Variants in IKBKE observed in about 807,000 individuals in gnomAD.
The protein encoded by IKBKE is inhibitor of nuclear factor kappa-B kinase subunit epsilon.
IKBKE carries 45 observed loss-of-function variants against 92.1 expected under a neutral mutation model. The observed-to-expected ratio is 0.49, with a 90% CI of 0.38 to 0.63. The LOEUF is 0.63. Among genes scored for constraint, IKBKE ranks in the 20% least tolerant of loss-of-function variants. IKBKE has a pLI of 0.00. For missense variants in IKBKE, 700 were observed against 932.8 expected (o/e 0.75, Z 3.25); for synonymous variants, 374 against 380.3 (o/e 0.98, Z 0.19).
rs782039952 is a variant in IKBKE, at chr1:206,490,850, G to A, written c.1725G>A (p.Lys575=). The change falls in exon 17 of 22, where the codon AAG becomes AAA. Residue 575 remains lysine (K), a synonymous_variant. Transcript: ENST00000581977. This position sits in a 1 kb window ranked among gnomAD's most constrained non-coding sequence, Gnocchi z 5.2. ...GCTACAACGAGGAGCAGATTCACAA[G>A]CTGGATAAGTGAGTGGCCTGTCCTC... The part of the protein sequence containing the change: ...GLGYNEEQIH[K]LDKVNFSHLA... 2.2e-5 allele frequency: 35 copies of A among 1,614,064 alleles called. No homozygotes were observed. The highest frequency in any genetic ancestry group is 2.9e-5 in the Non-Finnish European group (34 of 1,180,024).
Position 206,496,511 on chromosome 1 carries a change from C to A in IKBKE, c.*366C>A, listed in dbSNP as rs1417580079. On this transcript the variant is annotated 3_prime_UTR_variant, in exon 22 of 22. Coordinates refer to ENST00000581977, the MANE Select transcript of IKBKE (RefSeq NM_014002.4). ...TCCCTCTGGTTTATAGGACTTCACTCCCTAGCCAACAGGAGAGGAGGCCTC... is the reference window on the plus strand; with the variant it reads ...TCCCTCTGGTTTATAGGACTTCACTACCTAGCCAACAGGAGAGGAGGCCTC... 1 of 299,318 alleles carries A rather than the reference C, an allele frequency of 3.3e-6. No homozygotes were observed. Among genetic ancestry groups the A allele is most frequent in the Non-Finnish European group, 6.3e-6 (1 of 158,592 alleles). The allele number at this position is 299,318 out of a possible 1,614,324, so 18.5% of individuals were successfully genotyped here. A position where few individuals can be genotyped will look rare whatever the true frequency, so the allele number is the denominator to read the frequency against.
At chr1:206,480,852 G>C (rs1665343755) in intron 13 of IKBKE, among the ~76,000 whole-genome samples, 1 of 152,152 alleles carries the variant, frequency 6.6e-6, no homozygotes, top group Middle Eastern at 3.2e-3. Context: ...GATTTAGAGT[G>C]CTCACCCTAT....
chr1:206,477,703 A>C (rs1665142910), intron 7 of IKBKE, 46 bp from the exon 8 acceptor site: 1 of 1,198,618 alleles, frequency 8.3e-7, no homozygotes, highest in African/African-American at 1.5e-5. Context: ...GTTGCCCGGC[A>C]ATGTGATAGC....
chr1:206,494,979 T>G (rs782524824), intron 21 of IKBKE, among the ~76,000 whole-genome samples: 9 of 110,628 alleles, frequency 8.1e-5, no homozygotes, highest in Middle Eastern at 8.3e-3. Flanking sequence ...AGTAAGCACA[T>G]TTGAAGTAAA....
At position 206,478,047 on chromosome 1, in the gene IKBKE, A is replaced by AC; in HGVS notation, c.813-111dup. 4 of 627,900 alleles carry AC rather than the reference A, an allele frequency of 6.4e-6. No homozygotes were observed. Among genetic ancestry groups the AC allele is most frequent in the Non-Finnish European group, 1.1e-5 (4 of 366,940 alleles). 38.9% of individuals were successfully genotyped at this position (627,900 alleles called of 1,614,324 possible). ...CTTCCTCCCCAACCCACCCTGCCCCACCATCTTGGTCCTAGCTCTTCAGGA... is the reference window on the plus strand; with the variant it reads ...CTTCCTCCCCAACCCACCCTGCCCCACCCATCTTGGTCCTAGCTCTTCAGGA... On this transcript the variant is annotated intron_variant, in intron 8 of 21. Transcript: ENST00000581977. The surrounding 1 kb of genome is among the most constrained non-coding windows in gnomAD (Gnocchi z 4.8).
At position 206,476,866 on chromosome 1, in the gene IKBKE, G is replaced by C; in HGVS notation, c.701+28G>C. On this transcript the variant is annotated intron_variant, in intron 7 of 21. Coordinates refer to ENST00000581977, the MANE Select transcript of IKBKE (RefSeq NM_014002.4). This position sits in a 1 kb window ranked among gnomAD's most constrained non-coding sequence, Gnocchi z 5.1. ...ACGGTGGGCCACAGGGCAGGGAATG[G>C]GGCGGACTGGCAGTCCCCTGGCCCT... 2 of 1,612,472 alleles carry C rather than the reference G, an allele frequency of 1.2e-6. No individual in the cohort carries two copies. Among genetic ancestry groups the C allele is most frequent in the Non-Finnish European group, 1.7e-6 (2 of 1,178,708 alleles).
At chr1:206,491,951 A>G in intron 18 of IKBKE, 2 of 495,318 alleles carry the variant, frequency 4.0e-6, no homozygotes, top group Middle Eastern at 5.8e-4. Context: ...CTCCTACAAC[A>G]CCTGCCCTAT....
At position 206,487,110 on chromosome 1, in the gene IKBKE, G is replaced by A. The variant is rs1027094415; in HGVS notation, c.1617-804G>A. Among the ~76,000 whole-genome samples, 4 of 152,238 alleles carry A rather than the reference G, an allele frequency of 2.6e-5. No individual in the cohort carries two copies. Among genetic ancestry groups the A allele is most frequent in the Non-Finnish European group, 4.4e-5 (3 of 68,040 alleles). On this transcript the variant is annotated intron_variant, in intron 15 of 21. Coordinates refer to ENST00000581977, the MANE Select transcript of IKBKE (RefSeq NM_014002.4). This position sits in a 1 kb window ranked among gnomAD's most constrained non-coding sequence, Gnocchi z 5.3. ...GGCTCCTTCGGCTGGCAGAGCCCTG[G>A]AACAAGCCTGTGCTCTGTTCAGAGT...
intron 2 of IKBKE, 55 bp from the exon 3 acceptor site, chr1:206,473,141 C>A: frequency 9.5e-7 from 1 of 1,057,032 alleles, no homozygotes. Flanking sequence ...AGGCCACCAG[C>A]GGCCACCCTG....
In IKBKE at chr1:206,474,922, A is replaced by G. The variant is rs782184393; in HGVS notation, c.286A>G (p.Ser96Gly). The G allele has an allele frequency of 6.2e-7, 1 of 1,613,948 alleles. No individual in the cohort carries two copies. Among genetic ancestry groups the G allele is most frequent in the Non-Finnish European group, 8.5e-7 (1 of 1,179,970 alleles). ...GTACTGCTCCAGTGGGAGCCTGCTG[A>G]GTGTGCTGGAGAGCCCTGAGAATGC... Reference protein sequence around the residue: ...MEYCSSGSLLSVLESPENAFG... With the variant: ...MEYCSSGSLLGVLESPENAFG... The change falls in exon 5 of 22, where the codon AGT becomes GGT. Residue 96 changes from serine to glycine, a missense_variant. Physicochemically the swap from Ser to Gly is moderately conservative, Grantham distance 56. Coordinates refer to ENST00000581977, the MANE Select transcript of IKBKE (RefSeq NM_014002.4).
chr1:206,481,086 A>G (rs1665361211), intron 13 of IKBKE, among the ~76,000 whole-genome samples: 1 of 152,176 alleles, frequency 6.6e-6, no homozygotes, highest in African/African-American at 2.4e-5. Flanking sequence ...TGGGTTGGAA[A>G]AAGAGAGAGA....
In IKBKE at chr1:206,485,007, G is replaced by A. The variant is rs139758641; in HGVS notation, c.1438G>A (p.Val480Met). The A allele has an allele frequency of 3.2e-5, 51 of 1,613,986 alleles. No individual in the cohort carries two copies. Among genetic ancestry groups the A allele is most frequent in the South Asian group, 2.4e-4 (22 of 91,042 alleles). The change falls in exon 14 of 22, where the codon GTG (valine) becomes ATG (methionine). Residue 480 changes from valine to methionine, a missense_variant. Coordinates refer to ENST00000581977, the MANE Select transcript of IKBKE (RefSeq NM_014002.4). This position sits in a 1 kb window ranked among gnomAD's most constrained non-coding sequence, Gnocchi z 5.0. ...TTTGCTTCCCTCAAGGTTCAGCAGCGTGGCTGGAACGCCTGAGATCCAGGA... is the reference window on the plus strand; with the variant it reads ...TTTGCTTCCCTCAAGGTTCAGCAGCATGGCTGGAACGCCTGAGATCCAGGA... ...SSLGTERFSS[V>M]AGTPEIQELK...
At position 206,485,092 on chromosome 1, in the gene IKBKE, A is replaced by G; in HGVS notation, c.1503+20A>G. 6.2e-7 allele frequency: 1 copy of G among 1,611,580 alleles called. No individual in the cohort carries two copies. Among genetic ancestry groups the G allele is most frequent in the Non-Finnish European group, 8.5e-7 (1 of 1,177,656 alleles). Reference sequence around the variant, plus strand: ...CGGACTGTGAGTGAGGCTGGAGGGCAAGGGCTTAGCAGGATCAGAGCTGGG... The same window carrying G: ...CGGACTGTGAGTGAGGCTGGAGGGCGAGGGCTTAGCAGGATCAGAGCTGGG... On this transcript the variant is annotated intron_variant, in intron 14 of 21. Coordinates refer to ENST00000581977, the MANE Select transcript of IKBKE (RefSeq NM_014002.4). The surrounding 1 kb of genome is among the most constrained non-coding windows in gnomAD (Gnocchi z 5.0).
In IKBKE at chr1:206,476,249, C is replaced by T. The variant is rs782588565; in HGVS notation, c.427C>T (p.Arg143Cys). The T allele has an allele frequency of 3.1e-6, 5 of 1,614,024 alleles. No homozygotes were observed. The highest frequency in any genetic ancestry group is 1.7e-5 in the Admixed American group (1 of 59,996). ...HRDIKPGNIM[R>C]LVGEEGQSIY... ...CGACATCAAGCCGGGGAACATCATG[C>T]GCCTCGTAGGGGAGGAGGGGCAGAG... Residue 143 changes from arginine to cysteine, a missense_variant, in exon 6 of 22, where the codon CGC becomes TGC. By Grantham distance (180) the Arg-to-Cys change is radical. Transcript: ENST00000581977. The surrounding 1 kb of genome is among the most constrained non-coding windows in gnomAD (Gnocchi z 5.1).
intron 2 of IKBKE, among the ~76,000 whole-genome samples, chr1:206,472,351 A>G (rs1664820720): frequency 6.6e-6 from 1 of 152,152 alleles, no homozygotes; most frequent in South Asian, 2.1e-4. Flanking sequence ...CACTGGCCTT[A>G]TTTTTCAAAG....
intron 21 of IKBKE, among the ~76,000 whole-genome samples, chr1:206,494,596 T>C (rs1434074419): frequency 9.5e-5 from 11 of 115,920 alleles, no homozygotes; most frequent in Admixed American, 3.2e-4. Flanking sequence ...TTCTTTCTTT[T>C]TTTTTTTTTT....
chr1:206,493,978 C>T lies in IKBKE; in HGVS notation c.2104C>T (p.Arg702Cys), dbSNP rs1452780177. 7.4e-6 allele frequency: 12 copies of T among 1,613,862 alleles called. No individual in the cohort carries two copies. Among genetic ancestry groups the T allele is most frequent in the African/African-American group, 2.7e-5 (2 of 74,936 alleles). ...LLASDLLDNN[R>C]IIERLNRVPA... The stretch of plus-strand genomic sequence containing the variant: ...GGCATCTGACCTCCTGGACAACAAC[C>T]GCATCATCGAACGGTAAGGAGCTTT... Residue 702 changes from arginine (R) to cysteine (C), a missense_variant, in exon 21 of 22, where the codon CGC (arginine) becomes TGC (cysteine). Coordinates refer to ENST00000581977, the MANE Select transcript of IKBKE (RefSeq NM_014002.4).
rs555698933 is a variant in IKBKE, at chr1:206,478,488, C to G, written c.992+149C>G. 10 of 812,198 alleles carry G rather than the reference C, an allele frequency of 1.2e-5. No individual in the cohort carries two copies. The East Asian group carries it at 2.5e-4, about 20-fold the overall frequency. The allele number at this position is 812,198 out of a possible 1,614,324, so 50.3% of individuals were successfully genotyped here. ...AAACGTAGTTGGGAAAAGACTAGTT[C>G]TACAAAGTTAAAGCTAAACAGGTTT... is the stretch of plus-strand genomic sequence containing the variant. On this transcript the variant is annotated intron_variant, in intron 9 of 21. Coordinates refer to ENST00000581977, the MANE Select transcript of IKBKE (RefSeq NM_014002.4). The surrounding 1 kb of genome is among the most constrained non-coding windows in gnomAD (Gnocchi z 4.8).
chr1:206,489,918 C>A (rs1200183472), intron 16 of IKBKE, among the ~76,000 whole-genome samples: 2 of 152,194 alleles, frequency 1.3e-5, no homozygotes, highest in Non-Finnish European at 2.9e-5. Flanking sequence ...ACTGTTAAAA[C>A]CCAGCGTGTT....
Sources: allele counts gnomAD v4.1 joint callset (sites outside exome capture counted in the v4.1 genomes callset), GRCh38; gene constraint gnomAD v4.1.1; non-coding constraint Gnocchi (gnomAD v3.1); transcripts MANE v1.5; gene names NCBI Gene and HGNC (gene_info 2026-07-23, HGNC 2026-07-21).